The following ACTR3B variants were observed in gnomAD, a reference collection of about 807,000 sequenced individuals.
ACTR3B encodes actin related protein 3B, also known as actin-related protein 3B.
A neutral mutation model predicts 59.0 loss-of-function variants in ACTR3B; 8 were observed. The observed-to-expected ratio is 0.14, with a 90% CI of 0.08 to 0.24. ACTR3B has a LOEUF of 0.24. ACTR3B is among the 10% of genes least tolerant of loss of function. The pLI is 1.00. For synonymous variants in ACTR3B, 148 were observed against 197.9 expected (o/e 0.75, Z 2.12); for missense variants, 245 against 552.3 (o/e 0.44, Z 5.58).
In ACTR3B at chr7:152,785,530, G is replaced by A. The variant is rs1447465305; in HGVS notation, c.100+2288G>A. On this transcript the variant is annotated intron_variant, in intron 2 of 11. Coordinates refer to ENST00000256001, the MANE Select transcript of ACTR3B (RefSeq NM_020445.6). ...GAGAGAGGAGAGAGAAGAGAGAGAA[G>A]AGAGGCAAGAGGGGCCCCAGGAGTC... Among the ~76,000 whole-genome samples the A allele has an allele frequency of 6.3e-4, 90 of 142,674 alleles. 2 individuals are homozygous for A. Among genetic ancestry groups the A allele is most frequent in the African/African-American group, 2.3e-3 (86 of 37,512 alleles). The allele number at this position is 142,674 out of a possible 152,430, so 93.6% of individuals were successfully genotyped here. A position where few individuals can be genotyped will look rare whatever the true frequency, so the allele number is the denominator to read the frequency against.
intron 4 of ACTR3B, among the ~76,000 whole-genome samples, chr7:152,806,985 A>G (rs1374683968): frequency 6.6e-6 from 1 of 152,170 alleles, no homozygotes; most frequent in African/African-American, 2.4e-5. Flanking sequence ...CTATGTGGAG[A>G]GTGTCACCCA....
intron 9 of ACTR3B, among the ~76,000 whole-genome samples, chr7:152,850,736 C>G (rs1163910267): frequency 6.6e-6 from 1 of 152,082 alleles, no homozygotes; most frequent in African/African-American, 2.4e-5. Flanking sequence ...TAACTTAGAA[C>G]CTGGGTTGCT....
Position 152,820,343 on chromosome 7 carries a change from T to A in ACTR3B, c.585T>A (p.Ile195=), listed in dbSNP as rs375663346. 32 of 1,608,674 alleles carry A rather than the reference T, an allele frequency of 2.0e-5. No individual in the cohort carries two copies. The African/African-American group carries it at 3.7e-4, about 19-fold the overall frequency. ...VIGSCIKHIP[I]AGRDITYFIQ... is the part of the protein sequence containing the mutation. ...GAAGCTGCATCAAACACATCCCGAT[T>A]GCAGGTAGAGATATTACGTATTTCA... The change falls in exon 7 of 12, where the codon ATT becomes ATA. Residue 195 remains isoleucine, a synonymous_variant. Transcript: ENST00000256001.
At chr7:152,827,307 C>T (rs1309065713) in intron 9 of ACTR3B, among the ~76,000 whole-genome samples, 1 of 152,094 alleles carries the variant, frequency 6.6e-6, no homozygotes, top group South Asian at 2.1e-4. Context: ...AACAGGACCT[C>T]TCCAGTGTTA....
intron 6 of ACTR3B, among the ~76,000 whole-genome samples, chr7:152,818,267 C>G (rs1039326893): frequency 6.6e-6 from 1 of 152,146 alleles, no homozygotes; most frequent in African/African-American, 2.4e-5. Context: ...TGTGTCCAGG[C>G]CCACTAAGAA....
intron 2 of ACTR3B, among the ~76,000 whole-genome samples, chr7:152,798,038 T>C (rs1229418409): frequency 1.3e-5 from 2 of 152,132 alleles, no homozygotes; most frequent in African/African-American, 4.8e-5. Context: ...TTCATTTCCT[T>C]TGGATATATG....
At position 152,854,337 on chromosome 7, in the gene ACTR3B, A is replaced by G; in HGVS notation, c.1162-121A>G. On this transcript the variant is annotated intron_variant, in intron 11 of 11. Coordinates refer to ENST00000256001, the MANE Select transcript of ACTR3B (RefSeq NM_020445.6). This position sits in a 1 kb window ranked among gnomAD's most constrained non-coding sequence, Gnocchi z 4.9. ...CATCAGAGAGGTAAAATCTTGCAGC[A>G]GCGGTCCTGGGAGGGAGGGTGGAGG... is the stretch of plus-strand genomic sequence containing the variant. 1.2e-6 allele frequency: 1 copy of G among 805,122 alleles called. No individual in the cohort carries two copies. Among genetic ancestry groups the G allele is most frequent in the South Asian group, 1.5e-5 (1 of 65,380 alleles). 49.9% of individuals were successfully genotyped at this position (805,122 alleles called of 1,614,324 possible).
At chr7:152,830,633 C>T (rs1352669447) in intron 9 of ACTR3B, among the ~76,000 whole-genome samples, 1 of 152,160 alleles carries the variant, frequency 6.6e-6, no homozygotes, top group East Asian at 1.9e-4. Context: ...ACTGCAGCCT[C>T]GACCTCCTGG....
intron 4 of ACTR3B, chr7:152,814,316 A>G (rs1387966541): frequency 4.6e-6 from 2 of 434,512 alleles, no homozygotes; most frequent in African/African-American, 2.2e-5. Flanking sequence ...ACTTGTTCTA[A>G]TTTGGGTGGG....
At chr7:152,789,914 A>G (rs374064168) in intron 2 of ACTR3B, among the ~76,000 whole-genome samples, 3,913 of 150,938 alleles carry the variant, frequency 0.026, 2 homozygotes, top group Middle Eastern at 0.087. Context: ...TAAAAAAATC[A>G]TGAATGACAG....
At chr7:152,786,825 T>C (rs765040634) in intron 2 of ACTR3B, among the ~76,000 whole-genome samples, 100 of 152,226 alleles carry the variant, frequency 6.6e-4, no homozygotes, top group Admixed American at 9.8e-4. Context: ...ATTTCCAATA[T>C]GGTATCACAC....
intron 2 of ACTR3B, among the ~76,000 whole-genome samples, chr7:152,789,082 C>T (rs1198070947): frequency 6.7e-6 from 1 of 148,704 alleles, no homozygotes; most frequent in African/African-American, 2.5e-5. Flanking sequence ...ACAACAACAA[C>T]AAAGCCCTTA....
At chr7:152,829,378 A>G (rs71541797) in intron 9 of ACTR3B, among the ~76,000 whole-genome samples, 1 of 152,098 alleles carries the variant, frequency 6.6e-6, no homozygotes, top group African/African-American at 2.4e-5. Context: ...CCTGGTAACT[A>G]CCATTCCACT....
chr7:152,814,103 C>T (rs1182477234), intron 4 of ACTR3B: 1 of 95,654 alleles, frequency 1.0e-5, no homozygotes, highest in African/African-American at 5.2e-5. Flanking sequence ...CCCTGTGGCT[C>T]CTCACACCGG....
chr7:152,816,628 A>G lies in ACTR3B; in HGVS notation c.540+40A>G, dbSNP rs1433806454. 2.6e-6 allele frequency: 4 copies of G among 1,514,306 alleles called. No individual in the cohort carries two copies. In the African/African-American group the frequency reaches 5.7e-5, roughly 21 times the overall value. The allele number at this position is 1,514,306 out of a possible 1,614,324, so 93.8% of individuals were successfully genotyped here. A position where few individuals can be genotyped will look rare whatever the true frequency, so the allele number is the denominator to read the frequency against. On this transcript the variant is annotated intron_variant, in intron 6 of 11. Coordinates refer to ENST00000256001, the MANE Select transcript of ACTR3B (RefSeq NM_020445.6). ...TAATATATAAGTCTCTGTAGGCTTA[A>G]CACCTGATTCGAGGTAAGGATGGAA...
At chr7:152,774,772 G>A (rs777153679) in intron 1 of ACTR3B, among the ~76,000 whole-genome samples, 12 of 152,074 alleles carry the variant, frequency 7.9e-5, no homozygotes, top group East Asian at 1.9e-4. Context: ...TGAATTCTTC[G>A]TTCTATAGAG....
intron 1 of ACTR3B, among the ~76,000 whole-genome samples, chr7:152,768,787 T>C (rs62494300): frequency 0.048 from 7,238 of 151,934 alleles, 259 homozygotes; most frequent in Non-Finnish European, 0.075. Context: ...GGAGATACAA[T>C]CTTTATAAGT....
chr7:152,787,346 AG>A (rs1372509881), intron 2 of ACTR3B, among the ~76,000 whole-genome samples: 1 of 152,358 alleles, frequency 6.6e-6, no homozygotes, highest in Non-Finnish European at 1.5e-5. Flanking sequence ...ATGGAATTAT[AG>A]GAACTCTTTG....
rs1797025153 is a variant in ACTR3B at position 152,831,464 on chromosome 7, G to C, written c.951+6342G>C. Among the ~76,000 whole-genome samples, 3 of 152,226 alleles carry C rather than the reference G, an allele frequency of 2.0e-5. No individual in the cohort carries two copies. The South Asian group carries it at 6.2e-4, about 32-fold the overall frequency. On this transcript the variant is annotated intron_variant, in intron 9 of 11. Transcript: ENST00000256001. ...CCAGTGGTGCTCGGTGGTGATGGCA[G>C]TGTCTGTCTCTGTGCTGCCCAGGGT...
Sources: allele counts gnomAD v4.1 joint callset (sites outside exome capture counted in the v4.1 genomes callset), GRCh38; gene constraint gnomAD v4.1.1; non-coding constraint Gnocchi (gnomAD v3.1); transcripts MANE v1.5; gene names NCBI Gene and HGNC (gene_info 2026-07-23, HGNC 2026-07-21).